PDE11A: variants seen among roughly 807,000 people sequenced by gnomAD.
PDE11A encodes the protein dual 3',5'-cyclic-AMP and -GMP phosphodiesterase 11A.
Under a neutral mutation model 100.5 loss-of-function variants are expected in PDE11A, and 100 were observed. The observed-to-expected ratio is 1.00, with a 90% CI of 0.85 to 1.18. PDE11A has a LOEUF of 1.18. Ranked by LOEUF, PDE11A falls within the 50% of genes most tolerant of loss-of-function variation. PDE11A has a pLI of 0.00. For synonymous variants in PDE11A, 381 were observed against 420.8 expected (o/e 0.91, Z 1.16); for missense variants, 1,141 against 1,152.6 (o/e 0.99, Z 0.15).
intron 13 of PDE11A, chr2:177,702,741 CA>C (rs1307880250): frequency 6.6e-6 from 1 of 152,000 alleles, no homozygotes; most frequent in Non-Finnish European, 1.5e-5. Context: ...GCTTTTCCAG[CA>C]GGATTAGGTT....
intron 1 of PDE11A, among the ~76,000 whole-genome samples, chr2:178,067,625 T>G (rs1422250771): frequency 1.3e-5 from 2 of 152,186 alleles, no homozygotes; most frequent in Admixed American, 6.5e-5. Context: ...ATGAAGTCTT[T>G]CATTATGAGC....
intron 2 of PDE11A, among the ~76,000 whole-genome samples, chr2:177,916,338 C>A (rs1234427935): frequency 1.3e-5 from 2 of 152,192 alleles, no homozygotes; most frequent in African/African-American, 4.8e-5. Context: ...GCTGAGAAGT[C>A]TTCCTCCTTC....
In PDE11A at chr2:177,629,333, A is replaced by T. The variant is rs953711613; in HGVS notation, c.*74T>A. ...TAGGTCTTTCTGAGCTAAAAGAACA[A>T]AAGGATGACATTGCTGGACTGAAAA... On this transcript the variant is annotated 3_prime_UTR_variant, in exon 20 of 20. Transcript: ENST00000286063. The T allele has an allele frequency of 2.4e-5, 32 of 1,318,154 alleles. No individual in the cohort carries two copies. Among genetic ancestry groups the T allele is most frequent in the Admixed American group, 1.8e-4 (11 of 59,660 alleles). 81.7% of individuals were successfully genotyped at this position (1,318,154 alleles called of 1,614,324 possible). A position where few individuals can be genotyped will look rare whatever the true frequency, so the allele number is the denominator to read the frequency against.
chr2:177,944,708 C>A (rs913584242), intron 2 of PDE11A, among the ~76,000 whole-genome samples: 1 of 152,162 alleles, frequency 6.6e-6, no homozygotes, highest in Non-Finnish European at 1.5e-5. Context: ...CTCCCTCCTC[C>A]GAGAGACCGC....
At chr2:177,755,092 A>G (rs763349304) in intron 10 of PDE11A, among the ~76,000 whole-genome samples, 1 of 152,184 alleles carries the variant, frequency 6.6e-6, no homozygotes, top group African/African-American at 2.4e-5. Flanking sequence ...CAAGAGAAAG[A>G]GGCTGATCTG....
At chr2:177,739,179 G>A (rs768723187) in intron 10 of PDE11A, among the ~76,000 whole-genome samples, 4 of 152,158 alleles carry the variant, frequency 2.6e-5, no homozygotes, top group South Asian at 2.1e-4. Flanking sequence ...TGTTTTTATC[G>A]TTTTGTTCAA....
intron 15 of PDE11A, among the ~76,000 whole-genome samples, chr2:177,695,860 T>G (rs1192162724): frequency 6.6e-6 from 1 of 152,146 alleles, no homozygotes; most frequent in Non-Finnish European, 1.5e-5. Flanking sequence ...GCCACAGTGC[T>G]TTTCAAAGGG....
At chr2:177,679,638 C>CA (rs1268271836) in intron 16 of PDE11A, among the ~76,000 whole-genome samples, 2 of 151,776 alleles carry the variant, frequency 1.3e-5, no homozygotes, top group Non-Finnish European at 2.9e-5. Context: ...AATTGCCTTG[C>CA]AAGAAATTAG....
At chr2:178,076,722 T>C (rs2087211809), upstream of PDE11A, among the ~76,000 whole-genome samples, 1 of 152,248 alleles carries the variant, frequency 6.6e-6, no homozygotes, top group Non-Finnish European at 1.5e-5. Context: ...ACTTAGTTAC[T>C]TAAAACAACA....
Position 177,898,174 on chromosome 2 carries a change from G to T in PDE11A, c.1186C>A (p.Leu396Ile). ...SRALLEVVNDLFEEQTDLEKI... is the reference protein window; with the variant it reads ...SRALLEVVNDIFEEQTDLEKI... Reference sequence around the variant, plus strand: ...TCCAGGTCAGTCTGTTCTTCAAAGAGGTCATTAACCACCTCTAGCAAAGCC... The same window carrying T: ...TCCAGGTCAGTCTGTTCTTCAAAGATGTCATTAACCACCTCTAGCAAAGCC... The change falls in exon 4 of 20, where the codon CTC becomes ATC. Residue 396 changes from leucine (L) to isoleucine (I), a missense_variant. Physicochemically the swap from Leu to Ile is conservative, Grantham distance 5. Transcript: ENST00000286063. 1 of 1,608,268 alleles carries T rather than the reference G, an allele frequency of 6.2e-7. No homozygotes were observed.
intron 2 of PDE11A, chr2:178,092,603 CT>C (rs570664748): frequency 0.024 from 3,438 of 142,692 alleles, 75 homozygotes; most frequent in African/African-American, 0.066. Context: ...ATATTTCTTT[CT>C]TTTTTTTTTT....
intron 6 of PDE11A, among the ~76,000 whole-genome samples, chr2:177,823,382 C>T (rs923440287): frequency 2.6e-5 from 4 of 152,176 alleles, no homozygotes; most frequent in South Asian, 4.1e-4. Context: ...TCAGGAGCAG[C>T]CCAAGACCCT....
intron 2 of PDE11A, among the ~76,000 whole-genome samples, chr2:177,964,175 G>C (rs2085669416): frequency 6.6e-6 from 1 of 151,404 alleles, no homozygotes; most frequent in Non-Finnish European, 1.5e-5. Context: ...ATTGAGACAG[G>C]GTCTTGCTCT....
chr2:177,944,110 G>A (rs984160039), intron 2 of PDE11A, among the ~76,000 whole-genome samples: 6 of 152,098 alleles, frequency 3.9e-5, no homozygotes, highest in African/African-American at 1.4e-4. Context: ...TCATTTCTGA[G>A]GTTATTTGCA....
intron 2 of PDE11A, among the ~76,000 whole-genome samples, chr2:177,971,813 T>A (rs2085774101): frequency 6.6e-6 from 1 of 151,764 alleles, no homozygotes; most frequent in African/African-American, 2.4e-5. Context: ...GGTGGGAACA[T>A]CCAGACAATT....
chr2:177,827,027 T>C lies in PDE11A; in HGVS notation c.1501-6732A>G, dbSNP rs115135191. On this transcript the variant is annotated intron_variant, in intron 6 of 19. Coordinates refer to ENST00000286063, the MANE Select transcript of PDE11A (RefSeq NM_016953.4). ...GTTACAGAGAATAGAGAATGACCTG[T>C]CCTGCCAGGCTAGCTCTCAGCAGCC... 1.9e-3 allele frequency among the ~76,000 whole-genome samples: 290 copies of C among 152,308 alleles called. 2 individuals carry two copies. The highest frequency in any genetic ancestry group is 3.2e-3 in the Non-Finnish European group (216 of 68,018).
At chr2:177,784,612 T>C (rs2105523052) in intron 9 of PDE11A, among the ~76,000 whole-genome samples, 1 of 152,350 alleles carries the variant, frequency 6.6e-6, no homozygotes, top group South Asian at 2.1e-4. Context: ...GCTTTCACTT[T>C]ACTCTGTCAC....
chr2:178,017,002 C>T (rs2086347128), intron 1 of PDE11A, among the ~76,000 whole-genome samples: 1 of 152,206 alleles, frequency 6.6e-6, no homozygotes, highest in African/African-American at 2.4e-5. Context: ...ATTATCTTAC[C>T]AGTTTACTTG....
chr2:177,769,063 C>G (rs1273479733), intron 10 of PDE11A, among the ~76,000 whole-genome samples: 1 of 152,036 alleles, frequency 6.6e-6, no homozygotes, highest in African/African-American at 2.4e-5. Context: ...ATATTATAGA[C>G]TTTTTTTTCC....
Sources: allele counts gnomAD v4.1 joint callset (sites outside exome capture counted in the v4.1 genomes callset), GRCh38; gene constraint gnomAD v4.1.1; transcripts MANE v1.5; gene names NCBI Gene and HGNC (gene_info 2026-07-23, HGNC 2026-07-21).